The following KIAA0825 variants were observed in gnomAD, a reference collection of about 807,000 sequenced individuals.
The protein encoded by KIAA0825 is KIAA0825.
KIAA0825 carries 119 observed loss-of-function variants against 147.6 expected under a neutral mutation model. The ratio of observed to expected loss-of-function variants is 0.81; its 90% CI spans 0.69 to 0.94. The LOEUF is 0.94. Ranked by LOEUF, KIAA0825 falls within the 40% of genes least tolerant of loss-of-function variation. The pLI is 0.00. For synonymous variants in KIAA0825, 470 were observed against 518.1 expected, an observed-to-expected ratio of 0.91 and a Z score of 1.26; for missense variants, 1,381 against 1,472.7, an observed-to-expected ratio of 0.94 and a Z score of 1.02.
intron 1 of KIAA0825, among the ~76,000 whole-genome samples, chr5:94,614,872 C>G (rs1236018973): frequency 6.6e-6 from 1 of 152,138 alleles, no homozygotes; most frequent in Non-Finnish European, 1.5e-5. Flanking sequence ...TTCATATCCA[C>G]TAATCTTTTA....
chr5:94,542,286 T>C (rs1173330345), intron 2 of KIAA0825, among the ~76,000 whole-genome samples: 1 of 152,206 alleles, frequency 6.6e-6, no homozygotes, highest in Admixed American at 6.5e-5. Flanking sequence ...AAAATAATCT[T>C]TTTAACATTT....
At chr5:94,598,179 A>G (rs924583982) in intron 1 of KIAA0825, among the ~76,000 whole-genome samples, 1 of 152,144 alleles carries the variant, frequency 6.6e-6, no homozygotes, top group Admixed American at 6.5e-5. Flanking sequence ...AACAGTTAGC[A>G]TAAAACACAA....
In KIAA0825 at chr5:94,154,056, ATTTGT is replaced by A; in HGVS notation, c.3774_3778del (p.Lys1258AsnfsTer12). 6.4e-7 allele frequency: 1 copy of A among 1,551,590 alleles called. No individual in the cohort carries two copies. Among genetic ancestry groups the A allele is most frequent in the Non-Finnish European group, 8.7e-7 (1 of 1,146,940 alleles). On this transcript the variant is annotated frameshift_variant, in exon 21 of 21. Transcript: ENST00000682413. LOFTEE classifies it high-confidence loss of function. Reference sequence around the variant, plus strand: ...GGCAGAAGAGTTCTGTGGGGTGCAAATTTGTTTTAAGTGCTCCAGTATTGCTTTTT... The same window carrying A: ...GGCAGAAGAGTTCTGTGGGGTGCAAATTTAAGTGCTCCAGTATTGCTTTTT...
At chr5:94,387,721 C>T (rs1029037406) in intron 18 of KIAA0825, among the ~76,000 whole-genome samples, 7 of 151,550 alleles carry the variant, frequency 4.6e-5, no homozygotes, top group African/African-American at 1.7e-4. Context: ...AAGGAACTCC[C>T]AGGAGATCCA....
At chr5:94,585,454 T>TA (rs1406085095) in intron 1 of KIAA0825, among the ~76,000 whole-genome samples, 1 of 152,194 alleles carries the variant, frequency 6.6e-6, no homozygotes, top group Non-Finnish European at 1.5e-5. Context: ...GGCCATTACA[T>TA]AATGGTAAAG....
intron 20 of KIAA0825, among the ~76,000 whole-genome samples, chr5:94,355,039 G>A (rs1359640320): frequency 6.6e-6 from 1 of 152,182 alleles, no homozygotes; most frequent in Non-Finnish European, 1.5e-5. Flanking sequence ...ATGGAGGCAG[G>A]CTTCCACGCT....
At chr5:94,165,409 G>A (rs1767942698) in intron 20 of KIAA0825, among the ~76,000 whole-genome samples, 1 of 152,138 alleles carries the variant, frequency 6.6e-6, no homozygotes, top group Admixed American at 6.5e-5. Flanking sequence ...ACTGTTAGTG[G>A]GGGTGTAAAT....
intron 13 of KIAA0825, among the ~76,000 whole-genome samples, chr5:94,442,303 C>T (rs1035860725): frequency 6.6e-6 from 1 of 152,176 alleles, no homozygotes; most frequent in Non-Finnish European, 1.5e-5. Flanking sequence ...CCAACTCAGG[C>T]TTCCCATGTA....
chr5:94,458,278 T>A (rs183435030), intron 12 of KIAA0825, among the ~76,000 whole-genome samples: 1 of 152,314 alleles, frequency 6.6e-6, no homozygotes, highest in African/African-American at 2.4e-5. Flanking sequence ...AATGATAATT[T>A]GAGGTTAGAG....
chr5:94,308,810 TA>T (rs537891078), intron 20 of KIAA0825, among the ~76,000 whole-genome samples: 3 of 151,678 alleles, frequency 2.0e-5, no homozygotes. Flanking sequence ...TGGGATTGAA[TA>T]AAAAGTCCTT....
intron 20 of KIAA0825, among the ~76,000 whole-genome samples, chr5:94,257,879 C>T (rs910342894): frequency 2.0e-5 from 3 of 151,884 alleles, no homozygotes; most frequent in African/African-American, 7.2e-5. Context: ...AGAATACATT[C>T]CCAATCATGA....
Position 94,579,032 on chromosome 5 carries a change from G to A in KIAA0825, c.-2+3401C>T, listed in dbSNP as rs1781576468. Among the ~76,000 whole-genome samples, 9 of 152,216 alleles carry A rather than the reference G, an allele frequency of 5.9e-5. No individual in the cohort carries two copies. In the South Asian group the frequency reaches 1.5e-3, roughly 25 times the overall value. On this transcript the variant is annotated intron_variant, in intron 2 of 20. Coordinates refer to ENST00000682413, the MANE Select transcript of KIAA0825 (RefSeq NM_001145678.3). Reference sequence around the variant, plus strand: ...CCTCCTGGGTTCAAGCGATTCTCCTGCCTCAGCCCCGCCCCCGTAGCTGGG... The same window carrying A: ...CCTCCTGGGTTCAAGCGATTCTCCTACCTCAGCCCCGCCCCCGTAGCTGGG...
At chr5:94,278,051 G>A (rs902750937) in intron 20 of KIAA0825, among the ~76,000 whole-genome samples, 3 of 152,122 alleles carry the variant, frequency 2.0e-5, no homozygotes, top group Non-Finnish European at 4.4e-5. Flanking sequence ...GCATAAGTGG[G>A]AGCTGAACAG....
chr5:94,314,774 T>C (rs1238881854), intron 20 of KIAA0825, among the ~76,000 whole-genome samples: 2 of 151,604 alleles, frequency 1.3e-5, no homozygotes, highest in African/African-American at 2.4e-5. Flanking sequence ...TTTCTGATAA[T>C]GTTTTTGACA....
chr5:94,237,041 A>G (rs1562328294), intron 20 of KIAA0825, among the ~76,000 whole-genome samples: 1 of 134,032 alleles, frequency 7.5e-6, no homozygotes, highest in African/African-American at 2.9e-5. Flanking sequence ...TAAATAGGCT[A>G]TATGTGTGTG....
In KIAA0825 at chr5:94,497,349, C is replaced by T. The variant is rs774537158; in HGVS notation, c.971-12419G>A. Among the ~76,000 whole-genome samples, 46 of 152,212 alleles carry T rather than the reference C, an allele frequency of 3.0e-4. 1 individual carries two copies. The highest frequency in any genetic ancestry group is 1.4e-3 in the Admixed American group (21 of 15,280). On this transcript the variant is annotated intron_variant, in intron 5 of 20. Coordinates refer to ENST00000682413, the MANE Select transcript of KIAA0825 (RefSeq NM_001145678.3). Reference sequence around the variant, plus strand: ...TTCAGCCAGAATCATCTTTCATTTGCGTATTGCCCTCAAACACCAAGTTCT... The same window carrying T: ...TTCAGCCAGAATCATCTTTCATTTGTGTATTGCCCTCAAACACCAAGTTCT...
At chr5:94,204,965 G>A (rs1419679808) in intron 20 of KIAA0825, among the ~76,000 whole-genome samples, 1 of 151,992 alleles carries the variant, frequency 6.6e-6, no homozygotes, top group Non-Finnish European at 1.5e-5. Context: ...AAGTGAAAGA[G>A]AAAAATTGTT....
intron 20 of KIAA0825, among the ~76,000 whole-genome samples, chr5:94,185,983 T>C (rs1374733811): frequency 6.6e-6 from 1 of 152,172 alleles, no homozygotes; most frequent in African/African-American, 2.4e-5. Flanking sequence ...CACAATTCCC[T>C]TACCTGAAAC....
At chr5:94,173,551 C>CA (rs769576641) in intron 20 of KIAA0825, among the ~76,000 whole-genome samples, 55 of 152,206 alleles carry the variant, frequency 3.6e-4, no homozygotes, top group Middle Eastern at 3.4e-3. Context: ...CCTAACAGCT[C>CA]AGTGTTCCAA....
Sources: allele counts gnomAD v4.1 joint callset (sites outside exome capture counted in the v4.1 genomes callset), GRCh38; gene constraint gnomAD v4.1.1; transcripts MANE v1.5; gene names NCBI Gene and HGNC (gene_info 2026-07-23, HGNC 2026-07-21).